The following MAP3K5 variants were observed in gnomAD, a reference collection of about 807,000 sequenced individuals.
The protein encoded by MAP3K5 is mitogen-activated protein kinase kinase kinase 5.
In MAP3K5, 56 loss-of-function variants were observed where a neutral mutation model predicts 158.7. That is an observed-to-expected ratio of 0.35 (90% CI 0.28 to 0.44). The LOEUF is 0.44. MAP3K5 is among the 20% of genes least tolerant of loss of function. The pLI, the probability that MAP3K5 is intolerant of heterozygous loss-of-function variation, is 1.00. For synonymous variants in MAP3K5, 579 were observed against 601.7 expected, an observed-to-expected ratio of 0.96 and a Z score of 0.55; for missense variants, 1,294 against 1,674.8, an observed-to-expected ratio of 0.77 and a Z score of 3.97.
At chr6:136,695,620 T>A (rs1255871945) in intron 6 of MAP3K5, among the ~76,000 whole-genome samples, 1 of 152,242 alleles carries the variant, frequency 6.6e-6, no homozygotes, top group Admixed American at 6.5e-5. Context: ...GACCATCTGG[T>A]GTTGAGTGTA....
intron 1 of MAP3K5, among the ~76,000 whole-genome samples, chr6:136,731,041 G>A (rs951629892): frequency 1.3e-5 from 2 of 152,190 alleles, no homozygotes; most frequent in African/African-American, 4.8e-5. Context: ...ATGCATTCTT[G>A]GGAGGAGGAA....
At chr6:136,677,110 T>C (rs1375998166) in intron 7 of MAP3K5, among the ~76,000 whole-genome samples, 1 of 150,536 alleles carries the variant, frequency 6.6e-6, no homozygotes. Context: ...GTTTTGTAGA[T>C]GTTAAAATAA....
chr6:136,658,266 T>A (rs1026161968), intron 9 of MAP3K5, among the ~76,000 whole-genome samples: 3 of 151,808 alleles, frequency 2.0e-5, no homozygotes, highest in Non-Finnish European at 2.9e-5. Context: ...CTACATGTGA[T>A]GCTAATAAAA....
intron 14 of MAP3K5, among the ~76,000 whole-genome samples, chr6:136,623,518 A>G (rs1371928810): frequency 6.6e-6 from 1 of 152,194 alleles, no homozygotes; most frequent in Non-Finnish European, 1.5e-5. Flanking sequence ...CCAAGACCCA[A>G]AAACATTTTT....
intron 1 of MAP3K5, among the ~76,000 whole-genome samples, chr6:136,757,109 T>C (rs910586111): frequency 2.0e-5 from 3 of 152,218 alleles, no homozygotes; most frequent in African/African-American, 7.2e-5. Context: ...ATTCAAGTCA[T>C]CTAGCCCAGG....
Position 136,698,600 on chromosome 6 carries a change from T to C in MAP3K5, c.695A>G (p.Lys232Arg), listed in dbSNP as rs769830441. ...CGGTTGCATGAGCTCTGTCAACCCCTTCATGAAGCTGCTGTCACAGCAGTA... is the reference window on the plus strand; with the variant it reads ...CGGTTGCATGAGCTCTGTCAACCCCCTCATGAAGCTGCTGTCACAGCAGTA... ...KVYCCDSSFM[K>R]GLTELMQPNF... The change falls in exon 4 of 30, where the codon AAG becomes AGG. Residue 232 changes from lysine (K) to arginine (R), a missense_variant. Physicochemically the swap from Lys to Arg is conservative, Grantham distance 26. Transcript: ENST00000359015. The C allele has an allele frequency of 6.2e-7, 1 of 1,613,996 alleles. No homozygotes were observed. The highest frequency in any genetic ancestry group is 8.5e-7 in the Non-Finnish European group (1 of 1,179,942).
chr6:136,660,295 T>C (rs1417229685), intron 8 of MAP3K5, among the ~76,000 whole-genome samples: 1 of 152,152 alleles, frequency 6.6e-6, no homozygotes, highest in Non-Finnish European at 1.5e-5. Context: ...CTCACACCTG[T>C]AACCCCAGCA....
intron 1 of MAP3K5, among the ~76,000 whole-genome samples, chr6:136,734,607 T>C (rs376590555): frequency 2.6e-5 from 4 of 152,290 alleles, no homozygotes; most frequent in African/African-American, 9.6e-5. Context: ...AACATTTCAG[T>C]CCTTAAGTAA....
At chr6:136,567,229 T>C (rs9321561) in intron 26 of MAP3K5, among the ~76,000 whole-genome samples, 1 of 152,210 alleles carries the variant, frequency 6.6e-6, no homozygotes, top group African/African-American at 2.4e-5. Flanking sequence ...TAATTAGTTT[T>C]GTTCCCTCGA....
At chr6:136,771,800 T>C (rs1582677137) in intron 1 of MAP3K5, among the ~76,000 whole-genome samples, 1 of 152,360 alleles carries the variant, frequency 6.6e-6, no homozygotes, top group East Asian at 1.9e-4. Context: ...GCAGCAGCTC[T>C]ATCTCAACAA....
chr6:136,702,787 C>T (rs888932394), intron 3 of MAP3K5, among the ~76,000 whole-genome samples: 5 of 152,200 alleles, frequency 3.3e-5, no homozygotes, highest in African/African-American at 9.6e-5. Context: ...CCTCTGCCTC[C>T]TGGGTGCAAG....
chr6:136,675,865 T>C (rs1028736568), intron 7 of MAP3K5, among the ~76,000 whole-genome samples: 2 of 152,158 alleles, frequency 1.3e-5, no homozygotes, highest in African/African-American at 4.8e-5. Context: ...CTAGGCAGAC[T>C]TCTCATGAAA....
chr6:136,694,391 A>C, intron 6 of MAP3K5, 81 bp from the exon 7 acceptor site: 1 of 1,121,828 alleles, frequency 8.9e-7, no homozygotes, highest in Non-Finnish European at 1.2e-6. Context: ...CCTATTTAAC[A>C]TGTTGATTCA....
intron 3 of MAP3K5, among the ~76,000 whole-genome samples, chr6:136,699,654 T>G (rs1583440127): frequency 6.6e-6 from 1 of 152,118 alleles, no homozygotes; most frequent in South Asian, 2.1e-4. Context: ...AGAGCAGGGA[T>G]GAAAGTGGAA....
chr6:136,591,575 T>C (rs926421907), intron 23 of MAP3K5, among the ~76,000 whole-genome samples: 2 of 152,270 alleles, frequency 1.3e-5, no homozygotes, highest in African/African-American at 4.8e-5. Context: ...CCATAGGAAC[T>C]TAACTCTTGT....
At chr6:136,700,728 AAT>A (rs1377652944) in intron 3 of MAP3K5, among the ~76,000 whole-genome samples, 2 of 152,204 alleles carry the variant, frequency 1.3e-5, no homozygotes, top group Admixed American at 6.5e-5. Context: ...TGAAACATAA[AAT>A]AGTTTCAAGC....
At chr6:136,655,080 AT>A (rs942689730) in intron 10 of MAP3K5, among the ~76,000 whole-genome samples, 24 of 152,250 alleles carry the variant, frequency 1.6e-4, no homozygotes, top group Non-Finnish European at 2.9e-4. Context: ...TCTGTCAAAT[AT>A]TTTTTATATT....
intron 11 of MAP3K5, among the ~76,000 whole-genome samples, chr6:136,647,086 T>C (rs1371694470): frequency 2.0e-5 from 3 of 152,186 alleles, no homozygotes; most frequent in Non-Finnish European, 2.9e-5. Context: ...AAATCATCTG[T>C]CCCTTTGCAG....
At position 136,792,245 on chromosome 6, in the gene MAP3K5, C is replaced by T. The variant is rs1785114568; in HGVS notation, c.-88G>A. 2 of 1,287,658 alleles carry T rather than the reference C, an allele frequency of 1.6e-6. No homozygotes were observed. Among genetic ancestry groups the T allele is most frequent in the Non-Finnish European group, 2.0e-6 (2 of 1,023,562 alleles). The allele number at this position is 1,287,658 out of a possible 1,614,324, so 79.8% of individuals were successfully genotyped here. On this transcript the variant is annotated 5_prime_UTR_variant, in exon 1 of 30. Transcript: ENST00000359015. The surrounding 1 kb of genome is among the most constrained non-coding windows in gnomAD (Gnocchi z 5.7). ...ACAGCTCGGGGCTGCTCCGCGCCCG[C>T]CGGGCTAAGCAGCTGCCATCGCGCG...
Sources: gnomAD v4.1 joint callset for allele counts (sites outside exome capture counted in the v4.1 genomes callset) on GRCh38, gnomAD v4.1.1 for gene constraint, Gnocchi (gnomAD v3.1) non-coding constraint, MANE v1.5 for transcripts, NCBI Gene and HGNC (gene_info 2026-07-23, HGNC 2026-07-21) for gene names.